The following MYO1B variants were observed in gnomAD, a reference collection of about 807,000 sequenced individuals.
MYO1B encodes the protein unconventional myosin-Ib.
In MYO1B, 72 loss-of-function variants were observed where a neutral mutation model predicts 159.7. The ratio of observed to expected loss-of-function variants is 0.45; its 90% CI spans 0.37 to 0.55. The LOEUF (loss-of-function observed/expected upper bound fraction) is 0.55, where lower values mean the gene tolerates loss of function less well. Among genes scored for constraint, MYO1B ranks in the 20% least tolerant of loss-of-function variants. The pLI, the probability that MYO1B is intolerant of heterozygous loss-of-function variation, is 0.00. For synonymous variants in MYO1B, 468 were observed against 473.8 expected (o/e 0.99, Z 0.16); for missense variants, 1,062 against 1,364.8 (o/e 0.78, Z 3.50).
intron 3 of MYO1B, among the ~76,000 whole-genome samples, chr2:191,306,215 A>T (rs1689642079): frequency 6.6e-6 from 1 of 152,136 alleles, no homozygotes; most frequent in Non-Finnish European, 1.5e-5. Flanking sequence ...TTGAGATGTT[A>T]TATTTCAGTA....
chr2:191,260,503 A>G lies in MYO1B; in HGVS notation c.-10+14877A>G, dbSNP rs542026336. Among the ~76,000 whole-genome samples the G allele has an allele frequency of 2.4e-4, 37 of 151,984 alleles. No individual in the cohort carries two copies. In the South Asian group the frequency reaches 2.7e-3, roughly 11 times the overall value. On this transcript the variant is annotated intron_variant, in intron 1 of 30. Coordinates refer to ENST00000392318, the MANE Select transcript of MYO1B (RefSeq NM_001130158.3). ...ATTGAAATATATCAATATCATTTTT[A>G]CACAAAAGAACATATTTTTTTTGAA...
intron 21 of MYO1B, among the ~76,000 whole-genome samples, chr2:191,397,767 G>A (rs1487176661): frequency 9.0e-5 from 13 of 145,096 alleles, no homozygotes; most frequent in African/African-American, 3.1e-4. Flanking sequence ...CAGTAGGGGC[G>A]GCCGGGCAGA....
chr2:191,392,285 T>C lies in MYO1B; in HGVS notation c.2076+84T>C, dbSNP rs959055553. 4 of 960,202 alleles carry C rather than the reference T, an allele frequency of 4.2e-6. No homozygotes were observed. In the African/African-American group the frequency reaches 6.5e-5, roughly 16 times the overall value. 59.5% of individuals were successfully genotyped at this position (960,202 alleles called of 1,614,324 possible). On this transcript the variant is annotated intron_variant, in intron 19 of 30. Transcript: ENST00000392318. ...TAAAATATGTTTAACTTTATAACATTATATGAGGGGCCACCATGAATGCCA... is the reference window on the plus strand; with the variant it reads ...TAAAATATGTTTAACTTTATAACATCATATGAGGGGCCACCATGAATGCCA...
At chr2:191,318,209 G>A (rs1353612679) in intron 3 of MYO1B, among the ~76,000 whole-genome samples, 1 of 152,182 alleles carries the variant, frequency 6.6e-6, no homozygotes, top group Non-Finnish European at 1.5e-5. Flanking sequence ...CTCCTAGAGC[G>A]AGCTGAGAGG....
At chr2:191,419,839 G>T (rs1697827818) in intron 30 of MYO1B, among the ~76,000 whole-genome samples, 1 of 151,610 alleles carries the variant, frequency 6.6e-6, no homozygotes, top group Admixed American at 6.6e-5. Flanking sequence ...ATAGAATAAG[G>T]TTATAAAGAA....
intron 17 of MYO1B, 159 bp downstream of exon 17, chr2:191,387,609 C>T (rs912361661): frequency 3.0e-6 from 2 of 665,514 alleles, no homozygotes; most frequent in African/African-American, 1.8e-5. Flanking sequence ...TTAAAAAATG[C>T]TCCACTATCC....
At position 191,416,030 on chromosome 2, in the gene MYO1B, T is replaced by C. The variant is rs541520399; in HGVS notation, c.3160-85T>C. Reference sequence around the variant, plus strand: ...CCAGGATCTGATGTTTTAAAGAGACTGTAAGTATGTTTTTAGCCAAGCCTG... The same window carrying C: ...CCAGGATCTGATGTTTTAAAGAGACCGTAAGTATGTTTTTAGCCAAGCCTG... On this transcript the variant is annotated intron_variant, in intron 29 of 30. Transcript: ENST00000392318. 45 of 1,391,514 alleles carry C rather than the reference T, an allele frequency of 3.2e-5. No homozygotes were observed. The East Asian group carries it at 9.2e-4, about 28-fold the overall frequency. The allele number at this position is 1,391,514 out of a possible 1,614,324, so 86.2% of individuals were successfully genotyped here. A position where few individuals can be genotyped will look rare whatever the true frequency, so the allele number is the denominator to read the frequency against.
At chr2:191,281,135 A>G (rs1248558454) in intron 2 of MYO1B, among the ~76,000 whole-genome samples, 1 of 152,226 alleles carries the variant, frequency 6.6e-6, no homozygotes, top group Admixed American at 6.5e-5. Context: ...AGTAAGTTGC[A>G]TGCTCCAGAA....
intron 21 of MYO1B, among the ~76,000 whole-genome samples, chr2:191,397,838 C>T (rs1213332325): frequency 2.7e-5 from 4 of 145,514 alleles, no homozygotes; most frequent in Non-Finnish European, 6.1e-5. Context: ...ACCCCACCAC[C>T]CTCCCAGACG....
chr2:191,273,888 G>A (rs1179290892), intron 1 of MYO1B, among the ~76,000 whole-genome samples: 1 of 152,192 alleles, frequency 6.6e-6, no homozygotes, highest in Non-Finnish European at 1.5e-5. Flanking sequence ...CCCATGGTAA[G>A]CACATAGCTC....
At chr2:191,260,682 A>G (rs1686759099) in intron 1 of MYO1B, among the ~76,000 whole-genome samples, 1 of 152,156 alleles carries the variant, frequency 6.6e-6, no homozygotes, top group Non-Finnish European at 1.5e-5. Flanking sequence ...TGTGTTGACA[A>G]TTTTAAAGAA....
At chr2:191,354,617 C>T (rs73060739) in intron 7 of MYO1B, among the ~76,000 whole-genome samples, 1,703 of 152,036 alleles carry the variant, frequency 0.011, 27 homozygotes, top group African/African-American at 0.039. Context: ...TGCCTGACAA[C>T]CCCCCGCCCC....
chr2:191,297,038 A>T (rs567149658), intron 3 of MYO1B, among the ~76,000 whole-genome samples: 2 of 152,212 alleles, frequency 1.3e-5, no homozygotes, highest in African/African-American at 4.8e-5. Flanking sequence ...CACAAACAAT[A>T]CCTTAAACTT....
At chr2:191,318,022 A>C (rs2125884072) in intron 3 of MYO1B, among the ~76,000 whole-genome samples, 1 of 152,284 alleles carries the variant, frequency 6.6e-6, no homozygotes, top group East Asian at 1.9e-4. Flanking sequence ...TTTTTTTCTG[A>C]GCATATACCA....
At chr2:191,364,046 T>G (rs1693844472) in intron 10 of MYO1B, 112 bp from the exon 11 acceptor site, 1 of 1,207,222 alleles carries the variant, frequency 8.3e-7, no homozygotes, top group Admixed American at 1.7e-5. Context: ...ATGTATACAT[T>G]TTATACTGAT....
At chr2:191,397,132 T>A (rs1387393633) in intron 21 of MYO1B, among the ~76,000 whole-genome samples, 1 of 112,096 alleles carries the variant, frequency 8.9e-6, no homozygotes, top group African/African-American at 5.5e-5. Flanking sequence ...TGATTTCTTT[T>A]TTTTTTTTTT....
chr2:191,247,108 C>T (rs1685840365), intron 1 of MYO1B, among the ~76,000 whole-genome samples: 1 of 152,138 alleles, frequency 6.6e-6, no homozygotes, highest in Non-Finnish European at 1.5e-5. Context: ...TGGGAGGAGG[C>T]TGACATTTCC....
At chr2:191,265,831 C>CT (rs1405754078) in intron 1 of MYO1B, among the ~76,000 whole-genome samples, 1 of 152,118 alleles carries the variant, frequency 6.6e-6, no homozygotes, top group Non-Finnish European at 1.5e-5. Flanking sequence ...AATTTGTAGC[C>CT]TTTTTTCAGA....
intron 1 of MYO1B, among the ~76,000 whole-genome samples, chr2:191,249,245 G>A (rs865934890): frequency 2.6e-5 from 4 of 152,170 alleles, no homozygotes; most frequent in Non-Finnish European, 2.9e-5. Context: ...AGGAGGGAAG[G>A]AATGTGCTTA....
Sources: allele counts gnomAD v4.1 joint callset (sites outside exome capture counted in the v4.1 genomes callset), GRCh38; gene constraint gnomAD v4.1.1; transcripts MANE v1.5; gene names NCBI Gene and HGNC (gene_info 2026-07-23, HGNC 2026-07-21).